HERC1: variants seen among roughly 807,000 people sequenced by gnomAD.
HERC1 encodes the protein probable E3 ubiquitin-protein ligase HERC1.
HERC1 carries 160 observed loss-of-function variants against 554.3 expected under a neutral mutation model. The observed-to-expected ratio is 0.29, with a 90% CI of 0.25 to 0.33. The LOEUF (loss-of-function observed/expected upper bound fraction) is 0.33. HERC1 is among the 10% of genes least tolerant of loss of function. The pLI is 1.00. For synonymous variants in HERC1, 2,175 were observed against 2,131.7 expected, an observed-to-expected ratio of 1.02 and a Z score of -0.56; for missense variants, 4,919 against 5,918.5, an observed-to-expected ratio of 0.83 and a Z score of 5.54.
At chr15:63,807,755 T>C (rs1284268479) in intron 1 of HERC1, among the ~76,000 whole-genome samples, 1 of 152,172 alleles carries the variant, frequency 6.6e-6, no homozygotes, top group Non-Finnish European at 1.5e-5. Flanking sequence ...TACCAATTCC[T>C]ACATCACTCA....
intron 12 of HERC1, among the ~76,000 whole-genome samples, chr15:63,739,194 A>ATATATTTT (rs1567071803): frequency 0.023 from 1,165 of 50,498 alleles, 15 homozygotes; most frequent in African/African-American, 0.077. Context: ...CCACTAATAT[A>ATATATTTT]CTTTTTTTTT....
chr15:63,635,874 A>G, intron 65 of HERC1, 87 bp downstream of exon 65: 3 of 1,312,762 alleles, frequency 2.3e-6, no homozygotes, highest in South Asian at 1.4e-5. Flanking sequence ...TATTTTTACT[A>G]TATTTTCTGT....
At chr15:63,742,811 C>A (rs2074864110) in intron 12 of HERC1, among the ~76,000 whole-genome samples, 1 of 152,032 alleles carries the variant, frequency 6.6e-6, no homozygotes, top group African/African-American at 2.4e-5. Context: ...CCCATTTGGT[C>A]ATGGGGTACA....
At chr15:63,787,628 G>A (rs557822762) in intron 1 of HERC1, among the ~76,000 whole-genome samples, 1 of 151,974 alleles carries the variant, frequency 6.6e-6, no homozygotes, top group Non-Finnish European at 1.5e-5. Flanking sequence ...AGCCAGACTC[G>A]GTGGCACACA....
chr15:63,754,549 G>C lies in HERC1; in HGVS notation c.1730C>G (p.Ser577Cys). ...AGACCATACAGTTCTCCCATCTTTA[G>C]ACAGAGCAATAGTATGTGAACTGCC... ...SCGSSHTIAL[S>C]KDGRTVWSFG... Residue 577 changes from serine (S) to cysteine (C), a missense_variant, in exon 7 of 78, where the codon TCT becomes TGT. Physicochemically the swap from Ser to Cys is moderately radical, Grantham distance 112. This residue lies in a region of HERC1 where 744 missense variants were observed against 1,090.0 expected (regional missense o/e 0.68). Coordinates refer to ENST00000443617, the MANE Select transcript of HERC1 (RefSeq NM_003922.4). The C allele has an allele frequency of 6.2e-7, 1 of 1,613,160 alleles. No homozygotes were observed. The highest frequency in any genetic ancestry group is 8.5e-7 in the Non-Finnish European group (1 of 1,179,474).
chr15:63,720,503 A>C (rs1168257190), intron 19 of HERC1, among the ~76,000 whole-genome samples: 1 of 152,150 alleles, frequency 6.6e-6, no homozygotes, highest in Non-Finnish European at 1.5e-5. Flanking sequence ...TTTGGTTCTT[A>C]ATTCCTTCTT....
intron 7 of HERC1, among the ~76,000 whole-genome samples, chr15:63,753,971 C>G (rs766202520): frequency 6.6e-5 from 10 of 151,950 alleles, no homozygotes; most frequent in Non-Finnish European, 2.9e-5. Flanking sequence ...CCCAGAAGTT[C>G]GAGGCCAGCC....
chr15:63,794,927 G>A (rs868455048), intron 1 of HERC1, among the ~76,000 whole-genome samples: 4 of 151,936 alleles, frequency 2.6e-5, no homozygotes, highest in Non-Finnish European at 4.4e-5. Context: ...TTAGCCAGGC[G>A]TGGTGGTGTG....
intron 60 of HERC1, 28 bp from the exon 61 acceptor site, chr15:63,640,473 G>T (rs1247258463): frequency 3.2e-6 from 5 of 1,566,088 alleles, no homozygotes; most frequent in Non-Finnish European, 4.4e-6. Context: ...GATATAATAT[G>T]TCAAAGAGTT....
chr15:63,658,636 G>C lies in HERC1; in HGVS notation c.9507C>G (p.Asp3169Glu), dbSNP rs373105634. 1 of 1,613,864 alleles carries C rather than the reference G, an allele frequency of 6.2e-7. No homozygotes were observed. The highest frequency in any genetic ancestry group is 1.3e-5 in the African/African-American group (1 of 74,938). ...TCACTCTCCTTAAAGCCACCACACG[G>C]TCATGAGGGTTTGCTAGGGCAGCTG... ...EQAAALANPH[D>E]RVVALRRVTA... is the part of the protein sequence containing the mutation. Residue 3169 changes from aspartate (D) to glutamate (E), a missense_variant, in exon 48 of 78, where the codon GAC becomes GAG. By Grantham distance (45) the Asp-to-Glu change is conservative. Coordinates refer to ENST00000443617, the MANE Select transcript of HERC1 (RefSeq NM_003922.4).
chr15:63,677,512 G>A lies in HERC1; in HGVS notation c.7070+333C>T, dbSNP rs1277871456. Among the ~76,000 whole-genome samples the A allele has an allele frequency of 6.6e-6, 1 of 152,218 alleles. No individual in the cohort carries two copies. Among genetic ancestry groups the A allele is most frequent in the African/African-American group, 2.4e-5 (1 of 41,436 alleles). ...GGCTGGCTTTTTACTATGCCAGTGTGTAACAGAAATGATCAAAATGCAAAA... is the reference window on the plus strand; with the variant it reads ...GGCTGGCTTTTTACTATGCCAGTGTATAACAGAAATGATCAAAATGCAAAA... On this transcript the variant is annotated intron_variant, in intron 37 of 77. Coordinates refer to ENST00000443617, the MANE Select transcript of HERC1 (RefSeq NM_003922.4). The surrounding 1 kb of genome is among the most constrained non-coding windows in gnomAD (Gnocchi z 4.4).
chr15:63,792,747 C>T (rs547429772), intron 1 of HERC1, among the ~76,000 whole-genome samples: 8 of 152,262 alleles, frequency 5.3e-5, no homozygotes, highest in East Asian at 3.9e-4. Context: ...TTGCAGCAGA[C>T]GCTAGCTGGG....
intron 71 of HERC1, 165 bp downstream of exon 71, chr15:63,625,820 A>T: frequency 1.3e-6 from 1 of 761,504 alleles, no homozygotes; most frequent in Non-Finnish European, 2.3e-6. Context: ...CAACCTCTAG[A>T]CTGTCCCTAA....
rs1260145070 is a variant in HERC1, at chr15:63,662,970, G to A, written c.8901+14C>T. ...AAAATAAGTCAGAGCAGCCCCCGCT[G>A]CAGTCACACACACCCAGGTAGGCCA... On this transcript the variant is annotated intron_variant, in intron 44 of 77. Transcript: ENST00000443617. The A allele has an allele frequency of 1.9e-6, 3 of 1,599,406 alleles. No homozygotes were observed. The highest frequency in any genetic ancestry group is 1.7e-6 in the Non-Finnish European group (2 of 1,166,908).
chr15:63,641,392 G>C, intron 60 of HERC1, 78 bp downstream of exon 60: 1 of 1,230,698 alleles, frequency 8.1e-7, no homozygotes, highest in Non-Finnish European at 1.1e-6. Context: ...ATGCTTTTAA[G>C]GGATAAGTTC....
Position 63,654,230 on chromosome 15 carries a change from G to A in HERC1, c.10179C>T (p.Arg3393=). ...HRQWAAQQLV[R]TLAAHDRDNQ... ...TGTCACGGTCGTGTGCAGCAAGAGTGCGCACGAGTTGCTGAGCTGCCCATT... is the reference window on the plus strand; with the variant it reads ...TGTCACGGTCGTGTGCAGCAAGAGTACGCACGAGTTGCTGAGCTGCCCATT... Residue 3393 remains arginine, a synonymous_variant, in exon 51 of 78, where the codon CGC becomes CGT. Transcript: ENST00000443617. The A allele has an allele frequency of 6.2e-7, 1 of 1,613,960 alleles. No homozygotes were observed.
chr15:63,660,720 G>GA (rs940864124), intron 46 of HERC1, among the ~76,000 whole-genome samples: 6 of 149,918 alleles, frequency 4.0e-5, no homozygotes, highest in South Asian at 4.2e-4. Context: ...TCCCTACTTT[G>GA]AAAAAAAAAT....
intron 8 of HERC1, among the ~76,000 whole-genome samples, chr15:63,751,351 G>A (rs144840751): frequency 1.3e-5 from 2 of 152,328 alleles, no homozygotes; most frequent in Admixed American, 1.3e-4. Flanking sequence ...ATATAGTCTA[G>A]GAGCGTAGTA....
At chr15:63,617,590 T>A (rs2067878659) in intron 74 of HERC1, among the ~76,000 whole-genome samples, 1 of 152,210 alleles carries the variant, frequency 6.6e-6, no homozygotes, top group Non-Finnish European at 1.5e-5. Context: ...CCACACTGAC[T>A]TCCACAATGG....
Sources: allele counts gnomAD v4.1 joint callset (sites outside exome capture counted in the v4.1 genomes callset), GRCh38; gene constraint gnomAD v4.1.1; regional missense constraint gnomAD v4.1.1; non-coding constraint Gnocchi (gnomAD v3.1); transcripts MANE v1.5; gene names NCBI Gene and HGNC (gene_info 2026-07-23, HGNC 2026-07-21).